The following NRG2 variants were observed in gnomAD, a reference collection of about 807,000 sequenced individuals.
NRG2 encodes the protein pro-neuregulin-2, membrane-bound isoform.
NRG2 carries 27 observed loss-of-function variants against 73.9 expected under a neutral mutation model. That is an observed-to-expected ratio of 0.37 (90% CI 0.27 to 0.50). NRG2 has a LOEUF of 0.50. Among genes scored for constraint, NRG2 ranks in the 20% least tolerant of loss-of-function variants. The pLI is 0.96. For synonymous variants in NRG2, 532 were observed against 541.0 expected, an observed-to-expected ratio of 0.98 and a Z score of 0.23; for missense variants, 1,126 against 1,210.1, an observed-to-expected ratio of 0.93 and a Z score of 1.03.
chr5:139,986,068 T>C (rs1438446769), intron 1 of NRG2, among the ~76,000 whole-genome samples: 1 of 152,154 alleles, frequency 6.6e-6, no homozygotes, highest in Non-Finnish European at 1.5e-5. Context: ...TTACCCCAGC[T>C]CCAGGATTAG....
At chr5:140,018,293 C>T (rs1221152253) in intron 1 of NRG2, among the ~76,000 whole-genome samples, 1 of 152,070 alleles carries the variant, frequency 6.6e-6, no homozygotes, top group East Asian at 1.9e-4. Context: ...ATAACCAGGT[C>T]AAATGTGGGG....
In NRG2 at chr5:139,864,968, G is replaced by A. The variant is rs781082466; in HGVS notation, c.1189+581C>T. On this transcript the variant is annotated intron_variant, in intron 5 of 9. Coordinates refer to ENST00000361474, the MANE Select transcript of NRG2 (RefSeq NM_004883.3). Reference sequence around the variant, plus strand: ...GAGGTACAGCCCACATGTGGAGGTGGGGGTGCCGGGGGTGTTTCCGTCTCC... The same window carrying A: ...GAGGTACAGCCCACATGTGGAGGTGAGGGTGCCGGGGGTGTTTCCGTCTCC... 5 of 741,868 alleles carry A rather than the reference G, an allele frequency of 6.7e-6. No homozygotes were observed. The Admixed American group carries it at 9.5e-5, about 14-fold the overall frequency. 46.0% of individuals were successfully genotyped at this position (741,868 alleles called of 1,614,324 possible).
At chr5:139,960,851 C>T (rs1468791020) in intron 1 of NRG2, among the ~76,000 whole-genome samples, 3 of 152,192 alleles carry the variant, frequency 2.0e-5, no homozygotes, top group Non-Finnish European at 2.9e-5. Context: ...CACCTTCTAG[C>T]ACATGTCAGC....
rs181522703 is a variant in NRG2 at position 139,938,076 on chromosome 5, C to T, written c.701-50565G>A. ...GCTAGAGGACAGAGTGACACCTTGTCTACGAAAAAATAATAATAACAAAAC... is the reference window on the plus strand; with the variant it reads ...GCTAGAGGACAGAGTGACACCTTGTTTACGAAAAAATAATAATAACAAAAC... On this transcript the variant is annotated intron_variant, in intron 1 of 9. Transcript: ENST00000361474. Among the ~76,000 whole-genome samples the T allele has an allele frequency of 1.6e-3, 238 of 152,064 alleles. 3 individuals are homozygous for T. Among genetic ancestry groups the T allele is most frequent in the African/African-American group, 5.5e-3 (227 of 41,502 alleles).
intron 1 of NRG2, among the ~76,000 whole-genome samples, chr5:139,948,115 G>A (rs1262476796): frequency 6.6e-6 from 1 of 152,008 alleles, no homozygotes; most frequent in Non-Finnish European, 1.5e-5. Flanking sequence ...TCTACTTTCT[G>A]TCTCTATGAA....
chr5:139,976,083 GA>G (rs1468740367), intron 1 of NRG2, among the ~76,000 whole-genome samples: 1 of 152,182 alleles, frequency 6.6e-6, no homozygotes, highest in Non-Finnish European at 1.5e-5. Context: ...GTGACACAGA[GA>G]GGCTGAGAGA....
At chr5:139,988,240 A>C (rs183243210) in intron 1 of NRG2, among the ~76,000 whole-genome samples, 261 of 152,158 alleles carry the variant, frequency 1.7e-3, no homozygotes, top group African/African-American at 6.0e-3. Flanking sequence ...AGATAGTTTG[A>C]CAGTTTCTTA....
chr5:139,915,544 A>C lies in NRG2; in HGVS notation c.701-28033T>G, dbSNP rs60034942. On this transcript the variant is annotated intron_variant, in intron 1 of 9. Coordinates refer to ENST00000361474, the MANE Select transcript of NRG2 (RefSeq NM_004883.3). This position sits in a 1 kb window ranked among gnomAD's most constrained non-coding sequence, Gnocchi z 4.0. ...TACCAGGAAGGATGCTGAATTCCTC[A>C]GAGGAGATTGCTACCAGGATTTTAT... Among the ~76,000 whole-genome samples the C allele has an allele frequency of 0.03, 4,600 of 152,270 alleles. 246 individuals carry two copies. The highest frequency in any genetic ancestry group is 0.11 in the African/African-American group (4,384 of 41,526).
rs548419628 is a variant in NRG2 at position 139,957,127 on chromosome 5, T to A, written c.701-69616A>T. Among the ~76,000 whole-genome samples the A allele has an allele frequency of 3.2e-3, 492 of 152,220 alleles. 5 individuals are homozygous for A. The highest frequency in any genetic ancestry group is 5.4e-3 in the Non-Finnish European group (365 of 68,008). ...CCCAGCTGGCCAGGCCCTCTCAAGA[T>A]CCTTCTGCCCATGCTCCTGCCTGCA... On this transcript the variant is annotated intron_variant, in intron 1 of 9. Coordinates refer to ENST00000361474, the MANE Select transcript of NRG2 (RefSeq NM_004883.3).
intron 9 of NRG2, 78 bp from the exon 10 acceptor site, chr5:139,848,775 G>GGGGGGGGGGT: frequency 1.7e-6 from 1 of 601,720 alleles, no homozygotes. Flanking sequence ...GTGGGGTAGG[G>GGGGGGGGGGT]TGGGAGGGGC....
chr5:139,892,381 C>A (rs1764269907), intron 1 of NRG2, among the ~76,000 whole-genome samples: 1 of 152,182 alleles, frequency 6.6e-6, no homozygotes, highest in Non-Finnish European at 1.5e-5. Flanking sequence ...ATGTTAAGCT[C>A]ATTCTTATCC....
At chr5:139,905,090 G>A (rs1194634656) in intron 1 of NRG2, among the ~76,000 whole-genome samples, 1 of 152,184 alleles carries the variant, frequency 6.6e-6, no homozygotes, top group Non-Finnish European at 1.5e-5. Context: ...AGGGAACCTG[G>A]GTGCCCCAGG....
intron 3 of NRG2, among the ~76,000 whole-genome samples, chr5:139,873,272 A>C (rs1023454356): frequency 6.6e-6 from 1 of 152,146 alleles, no homozygotes; most frequent in Admixed American, 6.5e-5. Flanking sequence ...TCCTCGGCTC[A>C]ACCCCAGACC....
intron 1 of NRG2, among the ~76,000 whole-genome samples, chr5:139,906,296 G>A (rs1021391264): frequency 6.6e-6 from 1 of 152,028 alleles, no homozygotes; most frequent in Non-Finnish European, 1.5e-5. Context: ...GTGAGCCACC[G>A]CGCCCGGCCC....
intron 1 of NRG2, among the ~76,000 whole-genome samples, chr5:140,004,515 G>A (rs1384151573): frequency 6.6e-6 from 1 of 152,126 alleles, no homozygotes; most frequent in Non-Finnish European, 1.5e-5. Context: ...AGATGCCCTC[G>A]GAAAGACACA....
intron 1 of NRG2, among the ~76,000 whole-genome samples, chr5:140,009,622 T>A (rs534827298): frequency 6.6e-6 from 1 of 152,272 alleles, no homozygotes; most frequent in Non-Finnish European, 1.5e-5. Context: ...CCACCAACAA[T>A]GAATGAGAGG....
At chr5:139,972,452 C>T (rs1001508655) in intron 1 of NRG2, among the ~76,000 whole-genome samples, 3 of 152,168 alleles carry the variant, frequency 2.0e-5, no homozygotes, top group East Asian at 3.8e-4. Context: ...AAACTGGGCA[C>T]GGTGGCTCAC....
chr5:139,977,142 C>A (rs1157370252), intron 1 of NRG2, among the ~76,000 whole-genome samples: 1 of 152,148 alleles, frequency 6.6e-6, no homozygotes, highest in African/African-American at 2.4e-5. Context: ...TTAATTATAA[C>A]AAAGGTACCA....
At chr5:140,014,504 C>T (rs1174468561) in intron 1 of NRG2, among the ~76,000 whole-genome samples, 9 of 152,028 alleles carry the variant, frequency 5.9e-5, no homozygotes, top group Admixed American at 2.6e-4. Context: ...CCCAAAGTGC[C>T]GGGATTACAG....
Sources: gnomAD v4.1 joint callset for allele counts (sites outside exome capture counted in the v4.1 genomes callset) on GRCh38, gnomAD v4.1.1 for gene constraint, Gnocchi (gnomAD v3.1) non-coding constraint, MANE v1.5 for transcripts, NCBI Gene and HGNC (gene_info 2026-07-23, HGNC 2026-07-21) for gene names.